PCSK2: variants seen among roughly 807,000 people sequenced by gnomAD.
The protein encoded by PCSK2 is neuroendocrine convertase 2.
A neutral mutation model predicts 69.7 loss-of-function variants in PCSK2; 14 were observed. That is an observed-to-expected ratio of 0.20 (90% CI 0.13 to 0.31). The LOEUF (loss-of-function observed/expected upper bound fraction) is 0.31. PCSK2 is among the 10% of genes least tolerant of loss of function. The pLI is 1.00. For missense variants in PCSK2, 544 were observed against 842.5 expected, an observed-to-expected ratio of 0.65 and a Z score of 4.39; for synonymous variants, 307 against 320.7, an observed-to-expected ratio of 0.96 and a Z score of 0.46.
rs375993742 is a variant in PCSK2 at position 17,476,726 on chromosome 20, C to T, written c.1431-4858C>T. ...GTACTCTGAGACTCTTTGTGCTACCCTACACAGCTGTCCACTGCTGGGCTA... is the reference window on the plus strand; with the variant it reads ...GTACTCTGAGACTCTTTGTGCTACCTTACACAGCTGTCCACTGCTGGGCTA... On this transcript the variant is annotated intron_variant, in intron 11 of 11. Transcript: ENST00000262545. Among the ~76,000 whole-genome samples the T allele has an allele frequency of 2.0e-5, 3 of 152,344 alleles. No homozygotes were observed. The East Asian group carries it at 5.8e-4, about 29-fold the overall frequency.
intron 3 of PCSK2, among the ~76,000 whole-genome samples, chr20:17,359,474 A>G (rs913674104): frequency 3.3e-5 from 5 of 152,216 alleles, no homozygotes; most frequent in African/African-American, 4.8e-5. Flanking sequence ...ACCAACCTCC[A>G]TCTGAGCTCC....
intron 2 of PCSK2, among the ~76,000 whole-genome samples, chr20:17,294,363 C>G (rs977468893): frequency 6.6e-6 from 1 of 152,162 alleles, no homozygotes; most frequent in Non-Finnish European, 1.5e-5. Context: ...GCCTCGGCCT[C>G]CCAAAGTGCT....
chr20:17,420,722 G>A (rs1026793283), intron 6 of PCSK2, among the ~76,000 whole-genome samples: 1 of 152,196 alleles, frequency 6.6e-6, no homozygotes, highest in Non-Finnish European at 1.5e-5. Context: ...TTTCTTAAGA[G>A]AGAGAAATAC....
chr20:17,226,361 C>G (rs1443769125), upstream of PCSK2: 1 of 152,122 alleles, frequency 6.6e-6, no homozygotes. Context: ...TCTCGCCCCC[C>G]ATGGATCACC....
At chr20:17,423,644 CAA>C (rs11361591) in intron 6 of PCSK2, among the ~76,000 whole-genome samples, 50 of 149,718 alleles carry the variant, frequency 3.3e-4, no homozygotes, top group African/African-American at 1.1e-3. Context: ...CACTTTTGTA[CAA>C]AAAAAAAAGT....
chr20:17,363,175 C>A (rs1192294526), intron 4 of PCSK2, among the ~76,000 whole-genome samples: 1 of 152,250 alleles, frequency 6.6e-6, no homozygotes, highest in Admixed American at 6.5e-5. Context: ...AATGTTCAAT[C>A]ATCTGCGTGC....
chr20:17,260,019 A>G (rs924574628), intron 1 of PCSK2, among the ~76,000 whole-genome samples: 1 of 152,120 alleles, frequency 6.6e-6, no homozygotes, highest in African/African-American at 2.4e-5. Flanking sequence ...GTATTTGGGG[A>G]GCAGGAGGAG....
At chr20:17,386,953 G>A (rs920200365) in intron 5 of PCSK2, among the ~76,000 whole-genome samples, 1 of 152,132 alleles carries the variant, frequency 6.6e-6, no homozygotes, top group African/African-American at 2.4e-5. Flanking sequence ...CCTGCCCTCA[G>A]TGTAATCAGC....
intron 2 of PCSK2, among the ~76,000 whole-genome samples, chr20:17,320,062 T>A (rs1407905486): frequency 6.6e-6 from 1 of 152,162 alleles, no homozygotes; most frequent in African/African-American, 2.4e-5. Context: ...GGTGGGCAGG[T>A]AAACAAGCAG....
intron 1 of PCSK2, among the ~76,000 whole-genome samples, chr20:17,239,582 G>C (rs954730522): frequency 6.6e-6 from 1 of 151,934 alleles, no homozygotes; most frequent in East Asian, 1.9e-4. Context: ...AATGAGGAGA[G>C]GACCAAAGAA....
chr20:17,409,223 C>G, intron 5 of PCSK2, 40 bp from the exon 6 acceptor site: 3 of 1,523,154 alleles, frequency 2.0e-6, no homozygotes, highest in Non-Finnish European at 1.8e-6. Context: ...TACTGCGCCT[C>G]TGGCTGTACG....
chr20:17,410,669 T>G (rs545303331), intron 6 of PCSK2, among the ~76,000 whole-genome samples: 10 of 152,290 alleles, frequency 6.6e-5, no homozygotes, highest in African/African-American at 2.4e-4. Flanking sequence ...GTCTGAAAAC[T>G]TTTGGCATGA....
At chr20:17,279,515 A>G (rs970502400) in intron 2 of PCSK2, among the ~76,000 whole-genome samples, 4 of 152,198 alleles carry the variant, frequency 2.6e-5, no homozygotes, top group African/African-American at 4.8e-5. Context: ...GCAAAGCTTT[A>G]AAATGTGTGT....
intron 6 of PCSK2, among the ~76,000 whole-genome samples, chr20:17,423,961 GT>G (rs2032189307): frequency 6.6e-6 from 1 of 152,172 alleles, no homozygotes; most frequent in Non-Finnish European, 1.5e-5. Context: ...AATGATCAAT[GT>G]TGAAAAGGAT....
chr20:17,473,154 C>T (rs765263800), intron 11 of PCSK2, among the ~76,000 whole-genome samples: 4 of 127,402 alleles, frequency 3.1e-5, no homozygotes, highest in Non-Finnish European at 6.2e-5. Context: ...AGTGCAGTAG[C>T]GTGATCTCAG....
At chr20:17,387,897 C>A (rs6044777) in intron 5 of PCSK2, among the ~76,000 whole-genome samples, 1 of 151,990 alleles carries the variant, frequency 6.6e-6, no homozygotes, top group East Asian at 1.9e-4. Context: ...TTTGCTACAG[C>A]GGAAGAGTAC....
chr20:17,469,083 T>C (rs2033157486), intron 11 of PCSK2, among the ~76,000 whole-genome samples: 1 of 152,218 alleles, frequency 6.6e-6, no homozygotes, highest in Admixed American at 6.5e-5. Context: ...TGTCCTATAA[T>C]AAAAATAGCT....
chr20:17,232,299 G>C (rs1216062061), intron 1 of PCSK2, among the ~76,000 whole-genome samples: 1 of 152,136 alleles, frequency 6.6e-6, no homozygotes, highest in Non-Finnish European at 1.5e-5. Context: ...CCCTTCAGCA[G>C]TATGTGAGAG....
chr20:17,227,531 G>T (rs750818445), intron 1 of PCSK2, 49 bp downstream of exon 1: 1 of 1,471,156 alleles, frequency 6.8e-7, no homozygotes, highest in Non-Finnish European at 9.5e-7. Flanking sequence ...GGGGGGACGG[G>T]GGGGCAGCCC....
Sources: gnomAD v4.1 joint callset for allele counts (sites outside exome capture counted in the v4.1 genomes callset) on GRCh38, gnomAD v4.1.1 for gene constraint, MANE v1.5 for transcripts, NCBI Gene and HGNC (gene_info 2026-07-23, HGNC 2026-07-21) for gene names.